SGCZ: variants seen among roughly 807,000 people sequenced by gnomAD.
SGCZ encodes the protein zeta-sarcoglycan.
A neutral mutation model predicts 41.3 loss-of-function variants in SGCZ; 40 were observed. The observed-to-expected ratio is 0.97, with a 90% confidence interval of 0.75 to 1.26. The LOEUF is 1.26. SGCZ is among the 50% of genes most tolerant of loss of function. The pLI is 0.00. For missense variants in SGCZ, 552 were observed against 369.8 expected (o/e 1.49, Z -4.04); for synonymous variants, 206 against 137.5 (o/e 1.50, Z -3.49).
rs1805067379 is a variant in SGCZ at position 14,586,615 on chromosome 8, C to G, written c.40-31689G>C. On this transcript the variant is annotated intron_variant, in intron 1 of 7. Coordinates refer to ENST00000382080, the MANE Select transcript of SGCZ (RefSeq NM_139167.4). The stretch of plus-strand genomic sequence containing the variant: ...AGAAAAATAATAGTCATCATAAATG[C>G]AAAGTGATGCAAAGTTAGGCAAAGA... Among the ~76,000 whole-genome samples, 4 of 152,056 alleles carry G rather than the reference C, an allele frequency of 2.6e-5. No homozygotes were observed. In the South Asian group the frequency reaches 8.3e-4, roughly 32 times the overall value.
intron 1 of SGCZ, among the ~76,000 whole-genome samples, chr8:15,145,456 A>G (rs1301758966): frequency 6.6e-6 from 1 of 152,160 alleles, no homozygotes; most frequent in Admixed American, 6.5e-5. Context: ...TAAGCCACTT[A>G]GTATCTCGGA....
chr8:14,197,194 T>G (rs1330966107), intron 4 of SGCZ, among the ~76,000 whole-genome samples: 1 of 152,140 alleles, frequency 6.6e-6, no homozygotes, highest in Non-Finnish European at 1.5e-5. Flanking sequence ...AATAATGGCA[T>G]AATAACTAAT....
intron 7 of SGCZ, among the ~76,000 whole-genome samples, chr8:14,095,859 G>T (rs1008975903): frequency 6.6e-6 from 1 of 151,976 alleles, no homozygotes; most frequent in African/African-American, 2.4e-5. Context: ...CATTCTCTTT[G>T]TAGCACTTGT....
chr8:14,332,402 C>G (rs1802364097), intron 2 of SGCZ, among the ~76,000 whole-genome samples: 1 of 152,054 alleles, frequency 6.6e-6, no homozygotes, highest in Non-Finnish European at 1.5e-5. Context: ...GATCGCGCCA[C>G]TGCACTCCAG....
In SGCZ at chr8:14,428,117, CACACACACACACACACA is replaced by C. The variant is rs1563322762; in HGVS notation, c.235-103930_235-103914del. 2.2e-4 allele frequency among the ~76,000 whole-genome samples: 26 copies of C among 116,786 alleles called. No homozygotes were observed. In the East Asian group the frequency reaches 6.4e-3, roughly 29 times the overall value. 76.6% of individuals were successfully genotyped at this position (116,786 alleles called of 152,430 possible). On this transcript the variant is annotated intron_variant, in intron 2 of 7. Coordinates refer to ENST00000382080, the MANE Select transcript of SGCZ (RefSeq NM_139167.4). The stretch of plus-strand genomic sequence containing the variant: ...GGTTGTATATACACACACACACACA[CACACACACACACACACA>C]TATATATATATATATACACACACAC...
chr8:14,307,105 A>G (rs546193038), intron 3 of SGCZ, among the ~76,000 whole-genome samples: 4 of 152,198 alleles, frequency 2.6e-5, no homozygotes, highest in Non-Finnish European at 5.9e-5. Context: ...TACTGCTATA[A>G]TAACTTTAAC....
At chr8:14,185,334 C>T (rs775571990) in intron 4 of SGCZ, among the ~76,000 whole-genome samples, 5 of 151,816 alleles carry the variant, frequency 3.3e-5, no homozygotes, top group Non-Finnish European at 2.9e-5. Flanking sequence ...ACCAGGGAGG[C>T]GTAGGTTGCA....
At chr8:14,524,254 G>T (rs534249602) in intron 2 of SGCZ, among the ~76,000 whole-genome samples, 2 of 151,742 alleles carry the variant, frequency 1.3e-5, no homozygotes, top group East Asian at 2.0e-4. Context: ...AAGAGCAAGA[G>T]AACGGGTATG....
In SGCZ at chr8:14,263,873, G is replaced by A. The variant is rs891047541; in HGVS notation, c.337-26194C>T. ...GAGACAGACAAAACTCTCAGGAAGC[G>A]AGAGGGAAGTAATTGCAGGACTTTG... On this transcript the variant is annotated intron_variant, in intron 3 of 7. Transcript: ENST00000382080. Among the ~76,000 whole-genome samples the A allele has an allele frequency of 6.6e-5, 10 of 152,124 alleles. No individual in the cohort carries two copies. In the East Asian group the frequency reaches 1.4e-3, roughly 21 times the overall value.
chr8:14,325,741 CACACACATAT>C (rs1211800677), intron 2 of SGCZ, among the ~76,000 whole-genome samples: 1 of 32,054 alleles, frequency 3.1e-5, no homozygotes, highest in Non-Finnish European at 7.1e-5. Flanking sequence ...CACACACACA[CACACACATAT>C]ATATATATAT....
chr8:14,658,210 T>C (rs1428271869), intron 1 of SGCZ, among the ~76,000 whole-genome samples: 3 of 152,192 alleles, frequency 2.0e-5, no homozygotes, highest in Admixed American at 6.6e-5. Flanking sequence ...TGCTCCTCTT[T>C]GTTATACCTC....
intron 2 of SGCZ, among the ~76,000 whole-genome samples, chr8:14,386,207 T>C (rs961982330): frequency 1.3e-5 from 2 of 152,228 alleles, no homozygotes; most frequent in African/African-American, 4.8e-5. Context: ...TCAACACTTA[T>C]TGAAGGTTGA....
chr8:14,997,452 C>T (rs1308074194), intron 1 of SGCZ, among the ~76,000 whole-genome samples: 2 of 152,118 alleles, frequency 1.3e-5, no homozygotes, highest in Non-Finnish European at 2.9e-5. Context: ...GAATTAATCA[C>T]TAAGAAAGAT....
chr8:14,207,836 A>G (rs1444509098), intron 4 of SGCZ, among the ~76,000 whole-genome samples: 2 of 152,156 alleles, frequency 1.3e-5, no homozygotes, highest in Admixed American at 6.5e-5. Flanking sequence ...ATCATTTTGC[A>G]TAAGAAAAAT....
At chr8:14,211,585 T>G (rs1805808371) in intron 4 of SGCZ, among the ~76,000 whole-genome samples, 1 of 151,912 alleles carries the variant, frequency 6.6e-6, no homozygotes, top group Non-Finnish European at 1.5e-5. Context: ...TAGAGAGGCC[T>G]CAGGAAACTT....
At chr8:14,307,137 A>C (rs13263851) in intron 3 of SGCZ, among the ~76,000 whole-genome samples, 37,509 of 152,136 alleles carry the variant, frequency 0.25, 5,930 homozygotes, top group Non-Finnish European at 0.35. Flanking sequence ...TAACAAGAGC[A>C]TCTGTGGGAA....
In SGCZ at chr8:14,227,166, C is replaced by G. The variant is rs566583736; in HGVS notation, c.424+10426G>C. ...AGCACATTTTCTTAGTCTGCAATGC[C>G]TGCTTCCCTGGAGTGGCAGGCTGGT... is the stretch of plus-strand genomic sequence containing the variant. On this transcript the variant is annotated intron_variant, in intron 4 of 7. Transcript: ENST00000382080. Among the ~76,000 whole-genome samples, 17 of 152,216 alleles carry G rather than the reference C, an allele frequency of 1.1e-4. No homozygotes were observed. The South Asian group carries it at 3.5e-3, about 31-fold the overall frequency.
At chr8:14,707,432 G>A (rs192122308) in intron 1 of SGCZ, among the ~76,000 whole-genome samples, 100 of 152,120 alleles carry the variant, frequency 6.6e-4, no homozygotes, top group African/African-American at 2.4e-3. Context: ...CCCAAAACAA[G>A]GAGAAAGAAT....
chr8:14,330,444 T>C (rs7817064), intron 2 of SGCZ, among the ~76,000 whole-genome samples: 10,372 of 152,154 alleles, frequency 0.068, 432 homozygotes, highest in Non-Finnish European at 0.099. Flanking sequence ...TTTCTTTTTT[T>C]TGACAAAGTA....
Sources: allele counts gnomAD v4.1 joint callset (sites outside exome capture counted in the v4.1 genomes callset), GRCh38; gene constraint gnomAD v4.1.1; transcripts MANE v1.5; gene names NCBI Gene and HGNC (gene_info 2026-07-23, HGNC 2026-07-21).